HYKK: variants seen among roughly 807,000 people sequenced by gnomAD.
HYKK encodes the protein hydroxylysine kinase.
HYKK carries 19 observed loss-of-function variants against 29.7 expected under a neutral mutation model. That is an observed-to-expected ratio of 0.64 (90% confidence interval 0.45 to 0.94). The LOEUF (loss-of-function observed/expected upper bound fraction) is 0.94, where lower values mean the gene tolerates loss of function less well. Ranked by LOEUF, HYKK falls within the 40% of genes least tolerant of loss-of-function variation. HYKK has a pLI of 0.00. For synonymous variants in HYKK, 152 were observed against 158.1 expected (o/e 0.96, Z 0.29); for missense variants, 390 against 443.4 (o/e 0.88, Z 1.08).
intron 4 of HYKK, among the ~76,000 whole-genome samples, chr15:78,531,263 C>CT (rs1243896171): frequency 1.3e-5 from 2 of 152,112 alleles, no homozygotes; most frequent in Non-Finnish European, 2.9e-5. Context: ...TTCAAAAGTA[C>CT]TTTATCATGT....
intron 3 of HYKK, among the ~76,000 whole-genome samples, chr15:78,523,851 TCTC>T (rs1313592467): frequency 4.6e-5 from 7 of 152,120 alleles, no homozygotes; most frequent in Non-Finnish European, 8.8e-5. Flanking sequence ...TCCAAAATAA[TCTC>T]CTTTGACTCC....
rs563708692 is a variant in HYKK, at chr15:78,535,835, A to T, written c.*2165A>T. On this transcript the variant is annotated 3_prime_UTR_variant, in exon 5 of 5. Transcript: ENST00000388988. The stretch of plus-strand genomic sequence containing the variant: ...TGGGCTCAAGCAATCCTCCCACCTC[A>T]GCCTCCTGAGTAGCTGGGACTACAG... 3.3e-5 allele frequency: 5 copies of T among 152,196 alleles called. No homozygotes were observed. Among genetic ancestry groups the T allele is most frequent in the Non-Finnish European group, 7.3e-5 (5 of 68,202 alleles). 9.4% of individuals were successfully genotyped at this position (152,196 alleles called of 1,614,324 possible).
At chr15:78,529,954 C>T (rs1030633687) in intron 4 of HYKK, among the ~76,000 whole-genome samples, 1 of 151,138 alleles carries the variant, frequency 6.6e-6, no homozygotes, top group African/African-American at 2.4e-5. Context: ...CCTCCCACCT[C>T]AGACTCCCAA....
At chr15:78,514,408 T>C (rs2052105913) in intron 2 of HYKK, among the ~76,000 whole-genome samples, 1 of 152,176 alleles carries the variant, frequency 6.6e-6, no homozygotes, top group Non-Finnish European at 1.5e-5. Flanking sequence ...TTTTAAAGGT[T>C]CGAAATCTTG....
intron 1 of HYKK, among the ~76,000 whole-genome samples, chr15:78,509,947 G>C (rs1264317104): frequency 6.6e-6 from 1 of 152,174 alleles, no homozygotes; most frequent in African/African-American, 2.4e-5. Context: ...CCGATCAGTG[G>C]CACAAGCTAT....
At chr15:78,518,890 G>A in intron 3 of HYKK, 1 of 162,302 alleles carries the variant, frequency 6.2e-6, no homozygotes, top group Non-Finnish European at 1.3e-5. Flanking sequence ...ACTCCAGCCT[G>A]GACAAGACAG....
intron 3 of HYKK, among the ~76,000 whole-genome samples, chr15:78,522,735 C>T (rs769011983): frequency 5.3e-5 from 8 of 151,892 alleles, no homozygotes; most frequent in South Asian, 2.1e-4. Flanking sequence ...AAAAATTAAC[C>T]GGACATGGTG....
chr15:78,531,830 C>T (rs547038250), intron 4 of HYKK, among the ~76,000 whole-genome samples: 4 of 152,164 alleles, frequency 2.6e-5, no homozygotes, highest in Admixed American at 2.0e-4. Context: ...CCACTGGGCC[C>T]GGTCAAATTT....
At chr15:78,520,248 A>G (rs976417824) in intron 3 of HYKK, among the ~76,000 whole-genome samples, 7 of 151,600 alleles carry the variant, frequency 4.6e-5, no homozygotes, top group Admixed American at 2.6e-4. Flanking sequence ...TTATTTATTT[A>G]TTTATTTTTA....
Position 78,522,256 on chromosome 15 carries a change from A to G in HYKK, c.478-5124A>G, listed in dbSNP as rs561562431. ...CACTCCAAAAGTAATAGCTCCTAAC[A>G]GTGTTTTTTCAGTGCTTACTCTGCA... is the stretch of plus-strand genomic sequence containing the variant. On this transcript the variant is annotated intron_variant, in intron 3 of 4. Coordinates refer to ENST00000388988, the MANE Select transcript of HYKK (RefSeq NM_001013619.4). 5.1e-4 allele frequency among the ~76,000 whole-genome samples: 78 copies of G among 152,238 alleles called. No individual in the cohort carries two copies. In the Middle Eastern group the frequency reaches 0.01, roughly 20 times the overall value.
Position 78,511,701 on chromosome 15 carries a change from G to T in HYKK, c.-5-1383G>T, listed in dbSNP as rs141733808. Among the ~76,000 whole-genome samples, 299 of 149,564 alleles carry T rather than the reference G, an allele frequency of 2.0e-3. 3 individuals are homozygous for T. Among genetic ancestry groups the T allele is most frequent in the East Asian group, 0.014 (71 of 5,042 alleles). Reference sequence around the variant, plus strand: ...CATGCTATTGCACTCCAGCCTGGGCGACAGAGCAAGACCCTGTCTGAAAAA... The same window carrying T: ...CATGCTATTGCACTCCAGCCTGGGCTACAGAGCAAGACCCTGTCTGAAAAA... On this transcript the variant is annotated intron_variant, in intron 1 of 4. Transcript: ENST00000388988.
chr15:78,515,138 G>A, intron 3 of HYKK, 31 bp downstream of exon 3: 1 of 1,490,546 alleles, frequency 6.7e-7, no homozygotes. Context: ...TTATTCTAAG[G>A]GATGTTTGTT....
intron 3 of HYKK, among the ~76,000 whole-genome samples, chr15:78,522,420 G>T (rs2052206120): frequency 6.6e-6 from 1 of 151,808 alleles, no homozygotes; most frequent in Admixed American, 6.6e-5. Context: ...TTAGCTGGGT[G>T]TGGTGGTGTG....
rs1461122722 is a variant in HYKK at position 78,514,962 on chromosome 15, A to G, written c.338-6A>G. On this transcript the variant is annotated splice_polypyrimidine_tract_variant and splice_region_variant and intron_variant, in intron 2 of 4. Coordinates refer to ENST00000388988, the MANE Select transcript of HYKK (RefSeq NM_001013619.4). ...AGTCAAAGGATATTTTATTCCATCC[A>G]TTTAGATAGTGGCTCTGAAATCAAA... is the stretch of plus-strand genomic sequence containing the variant. 2 of 1,512,416 alleles carry G rather than the reference A, an allele frequency of 1.3e-6. No homozygotes were observed. Among genetic ancestry groups the G allele is most frequent in the Non-Finnish European group, 1.8e-6 (2 of 1,119,560 alleles). The allele number at this position is 1,512,416 out of a possible 1,614,324, so 93.7% of individuals were successfully genotyped here.
chr15:78,533,298 G>T lies in HYKK; in HGVS notation c.750G>T (p.Gly250=). The T allele has an allele frequency of 1.2e-6, 2 of 1,614,082 alleles. No individual in the cohort carries two copies. Among genetic ancestry groups the T allele is most frequent in the Non-Finnish European group, 1.7e-6 (2 of 1,179,940 alleles). ...GAAATGCTGAATATCAAGTGTCTGG[G>T]ATTTTAGACTTTGGTGACATGAGCT... ...ASGNAEYQVS[G]ILDFGDMSYG... The change falls in exon 5 of 5, where the codon GGG becomes GGT. Residue 250 remains glycine (G), a synonymous_variant. Coordinates refer to ENST00000388988, the MANE Select transcript of HYKK (RefSeq NM_001013619.4).
Position 78,513,145 on chromosome 15 carries a change from GGAACA to G in HYKK, c.58_62del (p.Glu20SerfsTer21). On this transcript the variant is annotated frameshift_variant, in exon 2 of 5. Transcript: ENST00000388988. LOFTEE classifies it high-confidence loss of function. ...CTCTTAGCAAACCCACTTTCAGTGA[GGAACA>G]AGCCTCTGCGTTAGTGGAGTCAGTG... The G allele has an allele frequency of 6.2e-7, 1 of 1,614,074 alleles. No homozygotes were observed. The highest frequency in any genetic ancestry group is 8.5e-7 in the Non-Finnish European group (1 of 1,179,966).
intron 1 of HYKK, among the ~76,000 whole-genome samples, chr15:78,512,400 C>CTTTTTTTTTTTTTTTTTT (rs902963099): frequency 3.2e-5 from 4 of 125,668 alleles, no homozygotes; most frequent in African/African-American, 6.0e-5. Context: ...TTTTCTTTTT[C>CTTTTTTTTTTTTTTTTTT]TTTTTTTTTT....
intron 3 of HYKK, among the ~76,000 whole-genome samples, chr15:78,523,542 T>C (rs573818732): frequency 3.7e-4 from 56 of 152,252 alleles, no homozygotes; most frequent in Middle Eastern, 3.4e-3. Context: ...CTCCCAAATG[T>C]CATGTCCTTC....
chr15:78,510,715 C>T (rs7164594), intron 1 of HYKK, among the ~76,000 whole-genome samples: 48,766 of 152,002 alleles, frequency 0.32, 8,847 homozygotes, highest in East Asian at 0.52. Context: ...TCCACCTCCT[C>T]TGTCCTAGCC....
Sources: allele counts gnomAD v4.1 joint callset (sites outside exome capture counted in the v4.1 genomes callset), GRCh38; gene constraint gnomAD v4.1.1; transcripts MANE v1.5; gene names NCBI Gene and HGNC (gene_info 2026-07-23, HGNC 2026-07-21).